The following GALNT18 variants were observed in gnomAD, a reference collection of about 807,000 sequenced individuals.
GALNT18 encodes the protein GalNAc-transferase 18.
GALNT18 carries 44 observed loss-of-function variants against 69.5 expected under a neutral mutation model. The ratio of observed to expected loss-of-function variants is 0.63; its 90% confidence interval spans 0.50 to 0.81. The LOEUF (loss-of-function observed/expected upper bound fraction) is 0.81. Among genes scored for constraint, GALNT18 ranks in the 40% least tolerant of loss-of-function variants. GALNT18 has a pLI of 0.00. For missense variants in GALNT18, 715 were observed against 810.0 expected, an observed-to-expected ratio of 0.88 and a Z score of 1.42; for synonymous variants, 364 against 318.2, an observed-to-expected ratio of 1.14 and a Z score of -1.53.
At chr11:11,576,571 T>C (rs765585337) in intron 1 of GALNT18, among the ~76,000 whole-genome samples, 7 of 152,166 alleles carry the variant, frequency 4.6e-5, no homozygotes, top group Non-Finnish European at 1.0e-4. Flanking sequence ...ATAATGACCA[T>C]AGGAGGAAAG....
rs189718579 is a variant in GALNT18, at chr11:11,531,851, T to C, written c.236-82915A>G. 2.6e-5 allele frequency among the ~76,000 whole-genome samples: 4 copies of C among 152,334 alleles called. No homozygotes were observed. The East Asian group carries it at 7.7e-4, about 29-fold the overall frequency. On this transcript the variant is annotated intron_variant, in intron 1 of 10. Coordinates refer to ENST00000227756, the MANE Select transcript of GALNT18 (RefSeq NM_198516.3). ...TTGTGATCCTTTCAGGTAAACAATT[T>C]GGGTATATTCTGCTTCGGGCCAGGC...
chr11:11,274,540 G>A (rs1311499691), intron 10 of GALNT18, among the ~76,000 whole-genome samples: 1 of 152,188 alleles, frequency 6.6e-6, no homozygotes, highest in Non-Finnish European at 1.5e-5. Context: ...GGCCTGAGTA[G>A]GTGGGTTTTT....
At chr11:11,316,695 T>C (rs1849762498) in intron 9 of GALNT18, among the ~76,000 whole-genome samples, 1 of 152,234 alleles carries the variant, frequency 6.6e-6, no homozygotes, top group Non-Finnish European at 1.5e-5. Flanking sequence ...AAAAACCCTG[T>C]GTCTTTTACA....
rs1859737613 is a variant in GALNT18, at chr11:11,605,693, C to G, written c.235+15666G>C. 6.6e-6 allele frequency among the ~76,000 whole-genome samples: 1 copy of G among 152,134 alleles called. No homozygotes were observed. Among genetic ancestry groups the G allele is most frequent in the Non-Finnish European group, 1.5e-5 (1 of 68,022 alleles). On this transcript the variant is annotated intron_variant, in intron 1 of 10. Coordinates refer to ENST00000227756, the MANE Select transcript of GALNT18 (RefSeq NM_198516.3). The surrounding 1 kb of genome is among the most constrained non-coding windows in gnomAD (Gnocchi z 4.7). ...GTCTCTCCTCTTGAAGCAGAAATGCCCTGCTTACCTGCATCTTTTCTGGCA... is the reference window on the plus strand; with the variant it reads ...GTCTCTCCTCTTGAAGCAGAAATGCGCTGCTTACCTGCATCTTTTCTGGCA...
At chr11:11,539,569 C>A (rs1382307428) in intron 1 of GALNT18, among the ~76,000 whole-genome samples, 1 of 152,176 alleles carries the variant, frequency 6.6e-6, no homozygotes. Flanking sequence ...ACCCCAGAGA[C>A]CCCACTGTGA....
chr11:11,520,339 G>A (rs375417128), intron 1 of GALNT18, among the ~76,000 whole-genome samples: 51 of 152,336 alleles, frequency 3.3e-4, no homozygotes, highest in African/African-American at 1.2e-3. Flanking sequence ...AGATTCAAGC[G>A]CAAGCAGCGA....
At position 11,353,060 on chromosome 11, in the gene GALNT18, A is replaced by C. The variant is rs193042900; in HGVS notation, c.1093-12056T>G. The C allele has an allele frequency of 1.1e-4, 181 of 1,614,160 alleles. No individual in the cohort carries two copies. The African/African-American group carries it at 1.9e-3, about 17-fold the overall frequency. On this transcript the variant is annotated intron_variant, in intron 6 of 10. Transcript: ENST00000227756. The stretch of plus-strand genomic sequence containing the variant: ...GTGACTCGTAATCCCAGTATTCTCG[A>C]GGTCTGTGTGTATTAACATCTGTGT...
chr11:11,453,439 C>A (rs892122056), intron 1 of GALNT18, among the ~76,000 whole-genome samples: 18 of 152,202 alleles, frequency 1.2e-4, no homozygotes, highest in African/African-American at 4.3e-4. Context: ...GCACATCCTC[C>A]TGGTCAGTTC....
At chr11:11,274,359 G>C (rs1314038473) in intron 10 of GALNT18, among the ~76,000 whole-genome samples, 2 of 152,162 alleles carry the variant, frequency 1.3e-5, no homozygotes, top group East Asian at 3.9e-4. Flanking sequence ...CACTCTCCTG[G>C]AAAGGGGGCT....
rs1857826869 is a variant in GALNT18, at chr11:11,538,160, C to A, written c.235+83199G>T. 6.6e-6 allele frequency among the ~76,000 whole-genome samples: 1 copy of A among 152,096 alleles called. No individual in the cohort carries two copies. The highest frequency in any genetic ancestry group is 6.6e-5 in the Admixed American group (1 of 15,246). On this transcript the variant is annotated intron_variant, in intron 1 of 10. Coordinates refer to ENST00000227756, the MANE Select transcript of GALNT18 (RefSeq NM_198516.3). The surrounding 1 kb of genome is among the most constrained non-coding windows in gnomAD (Gnocchi z 5.2). ...TCAGGCTGGAAGAGTGGGTGACTAGCTAAGGATTACACAAAAAGCAAGCAG... is the reference window on the plus strand; with the variant it reads ...TCAGGCTGGAAGAGTGGGTGACTAGATAAGGATTACACAAAAAGCAAGCAG...
intron 1 of GALNT18, among the ~76,000 whole-genome samples, chr11:11,565,901 T>C (rs981740588): frequency 1.3e-5 from 2 of 152,132 alleles, no homozygotes; most frequent in African/African-American, 2.4e-5. Flanking sequence ...TAAGACAGTG[T>C]AGAGAAGTGT....
At chr11:11,609,540 A>T (rs572023822) in intron 1 of GALNT18, among the ~76,000 whole-genome samples, 1 of 152,208 alleles carries the variant, frequency 6.6e-6, no homozygotes, top group Non-Finnish European at 1.5e-5. Context: ...ACAGGTGCTC[A>T]ATAAACGCTT....
chr11:11,286,891 A>G (rs944566396), intron 10 of GALNT18, among the ~76,000 whole-genome samples: 6 of 152,154 alleles, frequency 3.9e-5, no homozygotes, highest in Admixed American at 1.3e-4. Context: ...AACCCTTCTC[A>G]GGGTTTGCCA....
At chr11:11,448,697 C>T (rs549593002) in intron 2 of GALNT18, 47 bp downstream of exon 2, 2 of 1,507,278 alleles carry the variant, frequency 1.3e-6, no homozygotes, top group South Asian at 2.5e-5. Context: ...GGGACCCCAT[C>T]TCCCCATAGG....
At position 11,465,696 on chromosome 11, in the gene GALNT18, C is replaced by A. The variant is rs1476272774; in HGVS notation, c.236-16760G>T. 6.6e-6 allele frequency among the ~76,000 whole-genome samples: 1 copy of A among 152,126 alleles called. No individual in the cohort carries two copies. The highest frequency in any genetic ancestry group is 1.9e-4 in the East Asian group (1 of 5,190). Reference sequence around the variant, plus strand: ...GCTTCACCCACCTGTATAAGACATACCACGGTTAGCTCCTGGACCATGGAC... The same window carrying A: ...GCTTCACCCACCTGTATAAGACATAACACGGTTAGCTCCTGGACCATGGAC... On this transcript the variant is annotated intron_variant, in intron 1 of 10. Transcript: ENST00000227756. This position sits in a 1 kb window ranked among gnomAD's most constrained non-coding sequence, Gnocchi z 5.7.
At position 11,592,270 on chromosome 11, in the gene GALNT18, G is replaced by T. The variant is rs1359273753; in HGVS notation, c.235+29089C>A. 1.3e-5 allele frequency among the ~76,000 whole-genome samples: 2 copies of T among 152,078 alleles called. No homozygotes were observed. The highest frequency in any genetic ancestry group is 1.5e-5 in the Non-Finnish European group (1 of 68,012). ...AAAGCTTTAATCAATGCCCGGAAGT[G>T]AAATGCTAAGAAATTATATGCACGG... On this transcript the variant is annotated intron_variant, in intron 1 of 10. Coordinates refer to ENST00000227756, the MANE Select transcript of GALNT18 (RefSeq NM_198516.3). The surrounding 1 kb of genome is among the most constrained non-coding windows in gnomAD (Gnocchi z 5.9).
At chr11:11,285,866 A>G (rs1849182788) in intron 10 of GALNT18, among the ~76,000 whole-genome samples, 1 of 152,166 alleles carries the variant, frequency 6.6e-6, no homozygotes. Context: ...TGCGTTACTC[A>G]TCTTGCATCA....
Position 11,604,420 on chromosome 11 carries a change from C to G in GALNT18, c.235+16939G>C, listed in dbSNP as rs796602291. On this transcript the variant is annotated intron_variant, in intron 1 of 10. Coordinates refer to ENST00000227756, the MANE Select transcript of GALNT18 (RefSeq NM_198516.3). This position sits in a 1 kb window ranked among gnomAD's most constrained non-coding sequence, Gnocchi z 5.6. ...CAGGTAGCCCATTCCTGATCCCACA[C>G]TGCTGGAGAGTGGGGAAGGACAGGG... 6.6e-6 allele frequency among the ~76,000 whole-genome samples: 1 copy of G among 152,194 alleles called. No homozygotes were observed. The highest frequency in any genetic ancestry group is 1.5e-5 in the Non-Finnish European group (1 of 68,034).
At chr11:11,296,668 C>A (rs1263522691) in intron 9 of GALNT18, among the ~76,000 whole-genome samples, 1 of 152,208 alleles carries the variant, frequency 6.6e-6, no homozygotes, top group East Asian at 1.9e-4. Flanking sequence ...TAGGGAGATG[C>A]TGGGAGAGAC....
Sources: gnomAD v4.1 joint callset for allele counts (sites outside exome capture counted in the v4.1 genomes callset) on GRCh38, gnomAD v4.1.1 for gene constraint, Gnocchi (gnomAD v3.1) non-coding constraint, MANE v1.5 for transcripts, NCBI Gene and HGNC (gene_info 2026-07-23, HGNC 2026-07-21) for gene names.